The following OTC variants were observed in gnomAD, a reference collection of about 807,000 sequenced individuals.
OTC encodes ornithine transcarbamylase, also known as ornithine transcarbamylase, mitochondrial.
A neutral mutation model predicts 30.3 loss-of-function variants in OTC; 3 were observed. The observed-to-expected ratio is 0.10, with a 90% CI of 0.05 to 0.26. OTC has a LOEUF of 0.26. Among genes scored for constraint, OTC ranks in the 10% least tolerant of loss-of-function variants. The pLI, the probability that OTC is intolerant of heterozygous loss-of-function variation, is 1.00. For synonymous variants in OTC, 111 were observed against 99.7 expected, an observed-to-expected ratio of 1.11 and a Z score of -0.67; for missense variants, 194 against 260.3, an observed-to-expected ratio of 0.75 and a Z score of 1.75.
chrX:38,415,626 G>T (rs1336950842), intron 9 of OTC, among the ~76,000 whole-genome samples: 1 of 110,582 alleles, frequency 9.0e-6, no homozygotes, highest in African/African-American at 3.3e-5. Flanking sequence ...GCTGAGACAG[G>T]GGGATTACTT....
At chrX:38,328,931 C>T in the OTC span, among the ~76,000 whole-genome samples, 1 of 111,878 alleles carries the variant, frequency 8.9e-6, no homozygotes, top group African/African-American at 3.3e-5. Context: ...ACTATTGACT[C>T]CTAGACAGTG....
Position 38,367,357 on chromosome X carries a change from T to C in OTC, c.144T>C (p.Phe48=). The change falls in exon 2 of 10, where the codon TTT becomes TTC. Residue 48 remains phenylalanine, a synonymous_variant. Transcript: ENST00000039007. ...KGRDLLTLKN[F]TGEEIKYMLW... is the part of the protein sequence containing the mutation. ...GTGACCTTCTCACTCTAAAAAACTT[T>C]ACCGGAGAAGAAATTAAATATATGC... 4 of 1,201,132 alleles carry C rather than the reference T, an allele frequency of 3.3e-6. No homozygotes were observed. Among genetic ancestry groups the C allele is most frequent in the Non-Finnish European group, 4.5e-6 (4 of 886,029 alleles).
At chrX:38,394,894 G>A (rs774440169) in intron 4 of OTC, among the ~76,000 whole-genome samples, 1 of 108,201 alleles carries the variant, frequency 9.2e-6, no homozygotes, top group Admixed American at 1.0e-4. Context: ...AGTAGTTTCT[G>A]GGGGGGGGCA....
chrX:38,368,495 AAAG>A (rs369905326), intron 2 of OTC, among the ~76,000 whole-genome samples: 30 of 110,652 alleles, frequency 2.7e-4, no homozygotes, highest in African/African-American at 8.6e-4. Flanking sequence ...TTAGATTAGC[AAAG>A]AAACAATTAA....
intron 9 of OTC, among the ~76,000 whole-genome samples, chrX:38,415,588 C>T (rs993664132): frequency 5.4e-5 from 6 of 110,965 alleles, no homozygotes; most frequent in Non-Finnish European, 1.1e-4. Context: ...CGCACTGGCT[C>T]ATGCCTATAA....
chrX:38,361,302 TA>T (rs60764868), intron 1 of OTC, among the ~76,000 whole-genome samples: 62 of 104,102 alleles, frequency 6.0e-4, no homozygotes, highest in South Asian at 1.3e-3. Flanking sequence ...GAGACTCCGT[TA>T]AAAAAAAAAA....
At chrX:38,378,366 C>T (rs1043970922) in intron 3 of OTC, among the ~76,000 whole-genome samples, 2 of 106,843 alleles carry the variant, frequency 1.9e-5, no homozygotes, top group East Asian at 5.8e-4. Context: ...TAGCACTTAT[C>T]AGTATCTAAC....
At chrX:38,402,968 C>T (rs1172183736) in intron 5 of OTC, among the ~76,000 whole-genome samples, 2 of 110,633 alleles carry the variant, frequency 1.8e-5, no homozygotes, top group Non-Finnish European at 3.8e-5. Context: ...GTGTGTGCCA[C>T]GCCTGGCTAA....
chrX:38,386,329 C>G (rs1418065906), intron 4 of OTC, among the ~76,000 whole-genome samples: 1 of 103,025 alleles, frequency 9.7e-6, no homozygotes, highest in Admixed American at 1.1e-4. Flanking sequence ...GCTGAGGTCA[C>G]AGCACTGCAC....
At position 38,389,879 on chromosome X, in the gene OTC, C is replaced by T. The variant is rs946274938; in HGVS notation, c.386+8450C>T. Among the ~76,000 whole-genome samples the T allele has an allele frequency of 1.1e-4, 12 of 111,236 alleles. No individual in the cohort carries two copies. In the East Asian group the frequency reaches 2.5e-3, roughly 24 times the overall value. On this transcript the variant is annotated intron_variant, in intron 4 of 9. Transcript: ENST00000039007. Reference sequence around the variant, plus strand: ...TGCATTATATGAGGGTAAATGAGATCGTGCTTGTAAAGGACACACGCACAG... The same window carrying T: ...TGCATTATATGAGGGTAAATGAGATTGTGCTTGTAAAGGACACACGCACAG...
chrX:38,353,779 A>C (rs1158749063), intron 1 of OTC, among the ~76,000 whole-genome samples: 1 of 111,472 alleles, frequency 9.0e-6, no homozygotes, highest in African/African-American at 3.3e-5. Flanking sequence ...CCTAGTTGAG[A>C]CCTCAGAGCC....
At chrX:38,359,914 C>CTTTTTTTTTTTTTTT (rs57184116) in intron 1 of OTC, among the ~76,000 whole-genome samples, 1 of 94,524 alleles carries the variant, frequency 1.1e-5, no homozygotes. Flanking sequence ...TTCTTTCTTT[C>CTTTTTTTTTTTTTTT]TTTTTTTTTT....
At chrX:38,363,062 C>T (rs899039581) in intron 1 of OTC, among the ~76,000 whole-genome samples, 2 of 111,679 alleles carry the variant, frequency 1.8e-5, no homozygotes, top group African/African-American at 6.5e-5. Context: ...ATATTGAATC[C>T]TTTAAGTATA....
intron 8 of OTC, among the ~76,000 whole-genome samples, chrX:38,411,029 G>C (rs1236403318): frequency 9.0e-6 from 1 of 111,634 alleles, no homozygotes; most frequent in East Asian, 2.8e-4. Context: ...AAAACTGCTA[G>C]TACATTTGCA....
At chrX:38,418,585 C>T (rs1264324826) in intron 9 of OTC, among the ~76,000 whole-genome samples, 1 of 111,818 alleles carries the variant, frequency 8.9e-6, no homozygotes, top group Non-Finnish European at 1.9e-5. Context: ...TGGCTGTGTC[C>T]CCACCCAAAT....
At chrX:38,403,859 T>C in intron 6 of OTC, 119 bp downstream of exon 6, 1 of 746,229 alleles carries the variant, frequency 1.3e-6, no homozygotes, top group African/African-American at 2.0e-5. Context: ...GCCACAGAAT[T>C]TAGGTTACGT....
chrX:38,342,767 C>G, the OTC span, among the ~76,000 whole-genome samples: 2 of 111,628 alleles, frequency 1.8e-5, no homozygotes, highest in African/African-American at 6.5e-5. Context: ...TCAACAAAGC[C>G]CCATGAAAAG....
chrX:38,406,051 A>G (rs1379656887), intron 6 of OTC, among the ~76,000 whole-genome samples: 1 of 112,303 alleles, frequency 8.9e-6, no homozygotes, highest in Non-Finnish European at 1.9e-5. Flanking sequence ...TAATTGCAGT[A>G]TTGTTCTTAA....
the OTC span, among the ~76,000 whole-genome samples, chrX:38,331,451 TTTTG>T: frequency 1.1e-4 from 8 of 75,982 alleles, no homozygotes; most frequent in African/African-American, 3.6e-4. Flanking sequence ...TGTTTTTTTT[TTTTG>T]TTTGTTTTTT....
Sources: allele counts gnomAD v4.1 joint callset (sites outside exome capture counted in the v4.1 genomes callset), GRCh38; gene constraint gnomAD v4.1.1; transcripts MANE v1.5; gene names NCBI Gene and HGNC (gene_info 2026-07-23, HGNC 2026-07-21).